The following SV2C variants were observed in gnomAD, a reference collection of about 807,000 sequenced individuals.
The protein encoded by SV2C is synaptic vesicle glycoprotein 2C, also known as solute carrier family 22 member B3.
In SV2C, 49 loss-of-function variants were observed where a neutral mutation model predicts 79.7. The ratio of observed to expected loss-of-function variants is 0.61; its 90% confidence interval spans 0.49 to 0.78. The LOEUF is 0.78. SV2C is among the 30% of genes least tolerant of loss of function. The probability of loss-of-function intolerance (pLI) is 0.00; values close to 1 mark genes in which losing one functional copy is unlikely to be tolerated. For missense variants in SV2C, 833 were observed against 912.9 expected, an observed-to-expected ratio of 0.91 and a Z score of 1.13; for synonymous variants, 334 against 333.2, an observed-to-expected ratio of 1.00 and a Z score of -0.03.
At chr5:76,284,014 TA>T in intron 4 of SV2C, among the ~76,000 whole-genome samples, 1 of 152,334 alleles carries the variant, frequency 6.6e-6, no homozygotes, top group East Asian at 1.9e-4. Context: ...GGCATATAAA[TA>T]CCAAGCATTG....
intron 1 of SV2C, among the ~76,000 whole-genome samples, chr5:76,116,404 G>A (rs988469490): frequency 7.2e-5 from 11 of 152,168 alleles, no homozygotes; most frequent in African/African-American, 2.7e-4. Context: ...AATACTTCCT[G>A]AATGAGTGAT....
chr5:75,977,230 TCAGG>T, the SV2C span, among the ~76,000 whole-genome samples: 1 of 152,142 alleles, frequency 6.6e-6, no homozygotes, highest in East Asian at 1.9e-4. Context: ...ATACCTGTAG[TCAGG>T]CTGAACTTTA....
chr5:76,298,009 C>T (rs1747836738), intron 9 of SV2C, among the ~76,000 whole-genome samples: 1 of 152,060 alleles, frequency 6.6e-6, no homozygotes. Context: ...GCTGATAAGG[C>T]CTGGATCATG....
intron 10 of SV2C, 77 bp downstream of exon 10, chr5:76,299,004 G>A (rs1241105014): frequency 6.7e-7 from 1 of 1,497,628 alleles, no homozygotes. Context: ...TGATAATGTG[G>A]GCAGAGGCTT....
intron 1 of SV2C, among the ~76,000 whole-genome samples, chr5:76,087,682 AC>A (rs1351826675): frequency 6.6e-6 from 1 of 152,170 alleles, no homozygotes; most frequent in Non-Finnish European, 1.5e-5. Context: ...CATTAGGGGA[AC>A]CACATATGCA....
At chr5:75,942,411 G>A in the SV2C span, among the ~76,000 whole-genome samples, 8 of 152,180 alleles carry the variant, frequency 5.3e-5, no homozygotes, top group African/African-American at 1.9e-4. Context: ...GTGGGAAGAC[G>A]TGATGGCTAG....
intron 4 of SV2C, among the ~76,000 whole-genome samples, chr5:76,236,592 A>T (rs1561277529): frequency 6.6e-6 from 1 of 152,042 alleles, no homozygotes; most frequent in Non-Finnish European, 1.5e-5. Flanking sequence ...AGAGAGAGAG[A>T]GAGAAATAGA....
chr5:76,195,913 T>G (rs1403739471), intron 3 of SV2C, among the ~76,000 whole-genome samples: 1 of 152,162 alleles, frequency 6.6e-6, no homozygotes, highest in Non-Finnish European at 1.5e-5. Flanking sequence ...AACTTAAAAG[T>G]TAAATATATC....
chr5:76,032,559 C>T, the SV2C span, among the ~76,000 whole-genome samples: 2 of 152,126 alleles, frequency 1.3e-5, no homozygotes, highest in Non-Finnish European at 1.5e-5. Context: ...CATCCATGTC[C>T]CTACAAAGGA....
chr5:76,249,919 G>A (rs767530806), intron 4 of SV2C, among the ~76,000 whole-genome samples: 21 of 152,296 alleles, frequency 1.4e-4, no homozygotes, highest in African/African-American at 4.8e-4. Context: ...CACAATCCTG[G>A]TAATGAGATT....
chr5:75,988,860 G>A, the SV2C span, among the ~76,000 whole-genome samples: 1 of 151,928 alleles, frequency 6.6e-6, no homozygotes, highest in South Asian at 2.1e-4. Flanking sequence ...CTTTACTGGA[G>A]TAACTCTAGA....
chr5:75,947,358 T>G, the SV2C span, among the ~76,000 whole-genome samples: 1 of 151,952 alleles, frequency 6.6e-6, no homozygotes, highest in Non-Finnish European at 1.5e-5. Context: ...ATTTTTTCTT[T>G]CTCTTCCTGC....
chr5:76,308,610 G>T (rs755861670), intron 12 of SV2C, among the ~76,000 whole-genome samples: 1 of 152,168 alleles, frequency 6.6e-6, no homozygotes, highest in South Asian at 2.1e-4. Context: ...GCAGGCTTTG[G>T]TTGTGGCTTT....
chr5:75,881,989 TGA>T, the SV2C span, among the ~76,000 whole-genome samples: 4 of 149,518 alleles, frequency 2.7e-5, no homozygotes, highest in African/African-American at 1.0e-4. Context: ...CCTGATTTAT[TGA>T]GAGTTTTTAG....
the SV2C span, among the ~76,000 whole-genome samples, chr5:76,060,736 C>T: frequency 6.6e-6 from 1 of 152,184 alleles, no homozygotes. Flanking sequence ...CTTTTAATTT[C>T]CTTCAATAAC....
chr5:76,282,808 G>A (rs1272406934), intron 4 of SV2C, among the ~76,000 whole-genome samples: 2 of 152,094 alleles, frequency 1.3e-5, no homozygotes, highest in Admixed American at 6.5e-5. Context: ...TCAGGAGTTC[G>A]AGACCAGTCT....
At position 76,313,522 on chromosome 5, in the gene SV2C, C is replaced by A. The variant is rs62361445; in HGVS notation, c.2001-11842C>A. Among the ~76,000 whole-genome samples, 510 of 152,296 alleles carry A rather than the reference C, an allele frequency of 3.3e-3. 2 individuals carry two copies. Among genetic ancestry groups the A allele is most frequent in the Non-Finnish European group, 5.7e-3 (387 of 68,022 alleles). ...AAGCAAATCCTGCCAAGTGTACTAG[C>A]ACAAAAACAGTCACAAAGTTTGTTT... On this transcript the variant is annotated intron_variant, in intron 12 of 12. Transcript: ENST00000502798.
At chr5:76,281,015 C>G (rs1404055747) in intron 4 of SV2C, 7 of 540,208 alleles carry the variant, frequency 1.3e-5, no homozygotes, top group Non-Finnish European at 2.3e-5. Flanking sequence ...AAATGAGAAA[C>G]AGTATCTTAG....
At chr5:76,101,723 T>C (rs1022726851) in intron 1 of SV2C, among the ~76,000 whole-genome samples, 2 of 152,126 alleles carry the variant, frequency 1.3e-5, no homozygotes, top group South Asian at 4.1e-4. Flanking sequence ...TCAACATTTA[T>C]TAGAAATTTC....
Sources: allele counts gnomAD v4.1 joint callset (sites outside exome capture counted in the v4.1 genomes callset), GRCh38; gene constraint gnomAD v4.1.1; transcripts MANE v1.5; gene names NCBI Gene and HGNC (gene_info 2026-07-23, HGNC 2026-07-21).